Variants in ARFGEF1 observed in about 807,000 individuals in gnomAD.
ARFGEF1 encodes ARF guanine nucleotide exchange factor 1, also known as brefeldin A-inhibited guanine nucleotide-exchange protein 1.
A neutral mutation model predicts 231.0 loss-of-function variants in ARFGEF1; 42 were observed. The ratio of observed to expected loss-of-function variants is 0.18; its 90% CI spans 0.14 to 0.24. ARFGEF1 has a LOEUF of 0.24. ARFGEF1 is among the 10% of genes least tolerant of loss of function. The pLI is 1.00. For missense variants in ARFGEF1, 1,345 were observed against 2,192.0 expected, an observed-to-expected ratio of 0.61 and a Z score of 7.72; for synonymous variants, 710 against 732.3, an observed-to-expected ratio of 0.97 and a Z score of 0.49.
At position 67,199,322 on chromosome 8, in the gene ARFGEF1, T is replaced by C. The variant is rs1838229369; in HGVS notation, c.5386-224A>G. 1.6e-5 allele frequency: 7 copies of C among 434,844 alleles called. No individual in the cohort carries two copies. In the South Asian group the frequency reaches 2.5e-4, roughly 16 times the overall value. 26.9% of individuals were successfully genotyped at this position (434,844 alleles called of 1,614,324 possible). A position where few individuals can be genotyped will look rare whatever the true frequency, so the allele number is the denominator to read the frequency against. ...ATCCTTATTTTGAAAAACATTTGTCTGTATATCTTTGACAAACTTTTAGTA... is the reference window on the plus strand; with the variant it reads ...ATCCTTATTTTGAAAAACATTTGTCCGTATATCTTTGACAAACTTTTAGTA... On this transcript the variant is annotated intron_variant, in intron 38 of 38. Coordinates refer to ENST00000262215, the MANE Select transcript of ARFGEF1 (RefSeq NM_006421.5).
At chr8:67,326,068 A>G (rs1473225453) in intron 1 of ARFGEF1, among the ~76,000 whole-genome samples, 2 of 152,154 alleles carry the variant, frequency 1.3e-5, no homozygotes, top group Non-Finnish European at 2.9e-5. Flanking sequence ...GCATGGTGGC[A>G]TGCACATGTA....
chr8:67,249,909 A>T (rs1390741580), intron 19 of ARFGEF1, among the ~76,000 whole-genome samples: 1 of 152,232 alleles, frequency 6.6e-6, no homozygotes, highest in Admixed American at 6.5e-5. Context: ...GGCGTAAGCC[A>T]CCGTGCCTAG....
intron 28 of ARFGEF1, among the ~76,000 whole-genome samples, chr8:67,225,660 C>A (rs1839348768): frequency 6.6e-6 from 1 of 152,108 alleles, no homozygotes; most frequent in African/African-American, 2.4e-5. Flanking sequence ...GTTAGAAACA[C>A]AGGCTGGGGC....
At chr8:67,219,409 T>C (rs1236989970) in intron 30 of ARFGEF1, 22 bp downstream of exon 30, 17 of 1,600,404 alleles carry the variant, frequency 1.1e-5, no homozygotes, top group Non-Finnish European at 1.4e-5. Context: ...CTAAGCTAAA[T>C]GAAAATTGTG....
chr8:67,244,991 A>G (rs1306806929), intron 19 of ARFGEF1, among the ~76,000 whole-genome samples: 2 of 150,800 alleles, frequency 1.3e-5, no homozygotes, highest in South Asian at 2.1e-4. Flanking sequence ...AAAGAAACAA[A>G]TAACATACAA....
At chr8:67,190,641 T>C (rs753184305) in intron 5 of ARFGEF1, 3 of 1,607,098 alleles carry the variant, frequency 1.9e-6, no homozygotes, top group Non-Finnish European at 2.6e-6. Flanking sequence ...CTTTTCGGGG[T>C]CCTCTTAGGG....
intron 5 of ARFGEF1, chr8:67,175,603 G>A: frequency 1.3e-6 from 1 of 772,636 alleles, no homozygotes. Flanking sequence ...AAGTATGAGA[G>A]AGAGCTCTGA....
At chr8:67,291,741 C>G (rs920340047) in intron 6 of ARFGEF1, 106 bp downstream of exon 6, 86 of 1,416,746 alleles carry the variant, frequency 6.1e-5, no homozygotes, top group Non-Finnish European at 8.1e-5. Context: ...ATGTGTCTGA[C>G]ACACTTATTA....
At position 67,266,970 on chromosome 8, in the gene ARFGEF1, C is replaced by T. The variant is rs1804876669; in HGVS notation, c.1827G>A (p.Arg609=). ...ACACTAAGCATTCTAAACCTTTTTTCCTCAGGCTCAATTCCTACAAAGTAA... is the reference window on the plus strand; with the variant it reads ...ACACTAAGCATTCTAAACCTTTTTTTCTCAGGCTCAATTCCTACAAAGTAA... The part of the protein sequence containing the change: ...GMSNVQELSL[R]KKGLECLVSI... Residue 609 remains arginine (R), a synonymous_variant, in exon 13 of 39, where the codon AGG becomes AGA. Transcript: ENST00000262215. The T allele has an allele frequency of 6.2e-7, 1 of 1,613,112 alleles. No homozygotes were observed. The highest frequency in any genetic ancestry group is 1.3e-5 in the African/African-American group (1 of 74,862).
At chr8:67,341,168 T>C (rs527934387) in intron 1 of ARFGEF1, among the ~76,000 whole-genome samples, 9 of 152,282 alleles carry the variant, frequency 5.9e-5, no homozygotes, top group African/African-American at 1.9e-4. Flanking sequence ...CATTAAAATA[T>C]GCTTACTTAT....
chr8:67,187,391 G>A (rs1834971832), intron 5 of ARFGEF1, among the ~76,000 whole-genome samples: 1 of 152,156 alleles, frequency 6.6e-6, no homozygotes, highest in South Asian at 2.1e-4. Context: ...ATGGAATATG[G>A]AGCCCAGAAA....
In ARFGEF1 at chr8:67,271,849, C is replaced by T; in HGVS notation, c.1425G>A (p.Glu475=). The T allele has an allele frequency of 6.2e-7, 1 of 1,613,722 alleles. No individual in the cohort carries two copies. Among genetic ancestry groups the T allele is most frequent in the Non-Finnish European group, 8.5e-7 (1 of 1,179,772 alleles). ...QNAGPIFRTN[E]MFINAIKQYL... is the part of the protein sequence containing the mutation. ...ACTGCTTAATAGCATTAATAAACAT[C>T]TCATTTGTCCTGAAAATAGGTCCTG... Residue 475 remains glutamate (E), a synonymous_variant, in exon 10 of 39, where the codon GAG becomes GAA. Transcript: ENST00000262215.
chr8:67,263,878 A>G lies in ARFGEF1; in HGVS notation c.2123+2128T>C, dbSNP rs986230742. Among the ~76,000 whole-genome samples the G allele has an allele frequency of 5.8e-4, 88 of 152,302 alleles. 1 individual carries two copies. The highest frequency in any genetic ancestry group is 5.1e-4 in the Non-Finnish European group (35 of 68,014). On this transcript the variant is annotated intron_variant, in intron 14 of 38. Coordinates refer to ENST00000262215, the MANE Select transcript of ARFGEF1 (RefSeq NM_006421.5). The stretch of plus-strand genomic sequence containing the variant: ...ATGGTCATAATATATTTCCTGGGAA[A>G]GGTGACTCTGGAACTATTTTGAAGA...
chr8:67,185,253 C>T (rs1834261362), intron 5 of ARFGEF1, among the ~76,000 whole-genome samples: 1 of 152,190 alleles, frequency 6.6e-6, no homozygotes, highest in South Asian at 2.1e-4. Flanking sequence ...GTGCATGCCA[C>T]CAGCCAATGG....
chr8:67,197,107 A>C (rs1838055313), downstream of ARFGEF1, among the ~76,000 whole-genome samples: 2 of 152,158 alleles, frequency 1.3e-5, no homozygotes, highest in Non-Finnish European at 2.9e-5. Flanking sequence ...TTCAGCATTC[A>C]AGTAGTGTAG....
intron 23 of ARFGEF1, among the ~76,000 whole-genome samples, chr8:67,229,669 C>G (rs1020200397): frequency 7.2e-5 from 11 of 151,958 alleles, no homozygotes; most frequent in Non-Finnish European, 1.3e-4. Context: ...ACAACGTCTA[C>G]AGAGCTCTCG....
intron 1 of ARFGEF1, among the ~76,000 whole-genome samples, chr8:67,302,984 G>C (rs1186819075): frequency 6.6e-6 from 1 of 151,808 alleles, no homozygotes; most frequent in African/African-American, 2.4e-5. Context: ...TAGCTATGTG[G>C]GGCAGGGGGT....
In ARFGEF1 at chr8:67,267,226, A is replaced by G. The variant is rs770806934; in HGVS notation, c.1677T>C (p.Ala559=). Residue 559 remains alanine, a synonymous_variant, in exon 12 of 39, where the codon GCT becomes GCC. Coordinates refer to ENST00000262215, the MANE Select transcript of ARFGEF1 (RefSeq NM_006421.5). The part of the protein sequence containing the change: ...IQTLTRICAD[A]QSVVDIYVNY... ...TTACATAAATATCCACTACACTCTG[A>G]GCATCTGTAACAATATAACATTAAT... The G allele has an allele frequency of 6.2e-6, 10 of 1,612,404 alleles. No homozygotes were observed. Among genetic ancestry groups the G allele is most frequent in the South Asian group, 1.1e-5 (1 of 90,670 alleles).
chr8:67,274,736 T>G (rs983604883), intron 9 of ARFGEF1, among the ~76,000 whole-genome samples: 21 of 152,162 alleles, frequency 1.4e-4, no homozygotes, highest in African/African-American at 5.1e-4. Flanking sequence ...GAGGCTTTAA[T>G]GGTCAATAAC....
Sources: allele counts gnomAD v4.1 joint callset (sites outside exome capture counted in the v4.1 genomes callset), GRCh38; gene constraint gnomAD v4.1.1; transcripts MANE v1.5; gene names NCBI Gene and HGNC (gene_info 2026-07-23, HGNC 2026-07-21).